Variants in SLC30A10 observed in about 807,000 individuals in gnomAD.
The protein encoded by SLC30A10 is solute carrier family 30 member 10.
A neutral mutation model predicts 21.7 loss-of-function variants in SLC30A10; 8 were observed. That is an observed-to-expected ratio of 0.37 (90% CI 0.22 to 0.67). SLC30A10 has a LOEUF of 0.67. SLC30A10 is among the 30% of genes least tolerant of loss of function. The pLI, the probability that SLC30A10 is intolerant of heterozygous loss-of-function variation, is 0.58. For synonymous variants in SLC30A10, 272 were observed against 279.4 expected (o/e 0.97, Z 0.26); for missense variants, 521 against 642.5 (o/e 0.81, Z 2.04).
chr1:219,943,031 C>G (rs990139402), intron 1 of SLC30A10, among the ~76,000 whole-genome samples: 4 of 151,968 alleles, frequency 2.6e-5, no homozygotes, highest in African/African-American at 9.7e-5. Context: ...AGTGACAGAG[C>G]AAGACTCTGT....
intron 2 of SLC30A10, among the ~76,000 whole-genome samples, chr1:219,922,158 T>TTGTGTATGTG (rs1553313111): frequency 1.4e-4 from 6 of 42,838 alleles, no homozygotes; most frequent in African/African-American, 5.6e-4. Context: ...ACCTTCTTGT[T>TTGTGTATGTG]TGTGTGTGTG....
At chr1:219,922,988 T>A (rs190850920) in intron 2 of SLC30A10, among the ~76,000 whole-genome samples, 52 of 152,254 alleles carry the variant, frequency 3.4e-4, no homozygotes, top group Admixed American at 1.6e-3. Context: ...TCACTACAGA[T>A]GTACATTAAA....
At chr1:219,935,156 G>A (rs186083581) in intron 1 of SLC30A10, among the ~76,000 whole-genome samples, 113 of 152,242 alleles carry the variant, frequency 7.4e-4, no homozygotes, top group African/African-American at 2.1e-3. Flanking sequence ...AGAACTACAA[G>A]TTGCAAGAAA....
At chr1:219,926,982 G>A (rs907907841) in intron 2 of SLC30A10, 46 bp downstream of exon 2, 6 of 1,427,502 alleles carry the variant, frequency 4.2e-6, no homozygotes, top group Non-Finnish European at 4.9e-6. Context: ...CACAGTCCAT[G>A]TGTGTCATAG....
At position 219,910,652 on chromosome 1, in the gene SLC30A10, A is replaced by G. The variant is rs572978483; in HGVS notation, c.*4797T>C. ...CAGGAGGAGAATTTTAAGCAACAAAACTCCACAATACTGTAACATAACCTC... is the reference window on the plus strand; with the variant it reads ...CAGGAGGAGAATTTTAAGCAACAAAGCTCCACAATACTGTAACATAACCTC... On this transcript the variant is annotated 3_prime_UTR_variant, in exon 4 of 4. Coordinates refer to ENST00000366926, the MANE Select transcript of SLC30A10 (RefSeq NM_018713.3). Among the ~76,000 whole-genome samples, 27 of 152,098 alleles carry G rather than the reference A, an allele frequency of 1.8e-4. No individual in the cohort carries two copies. The highest frequency in any genetic ancestry group is 5.8e-4 in the African/African-American group (24 of 41,476).
At chr1:219,949,307 C>T (rs1256127269) in intron 1 of SLC30A10, among the ~76,000 whole-genome samples, 8 of 151,946 alleles carry the variant, frequency 5.3e-5, no homozygotes, top group South Asian at 2.1e-4. Flanking sequence ...CACATGCACA[C>T]GTATGTTTAT....
intron 1 of SLC30A10, among the ~76,000 whole-genome samples, chr1:219,944,906 T>C (rs1159167759): frequency 6.6e-6 from 1 of 152,176 alleles, no homozygotes; most frequent in Non-Finnish European, 1.5e-5. Context: ...GTAAATTGTC[T>C]AAACACACCA....
intron 1 of SLC30A10, among the ~76,000 whole-genome samples, chr1:219,927,562 G>C (rs1659858800): frequency 7.4e-6 from 1 of 135,416 alleles, no homozygotes; most frequent in Non-Finnish European, 1.5e-5. Context: ...GGATCCAGGA[G>C]AAAAAAGAAG....
chr1:219,912,248 C>T lies in SLC30A10; in HGVS notation c.*3201G>A, dbSNP rs1480891182. The stretch of plus-strand genomic sequence containing the variant: ...TTCTTCCTCAAATAATGTCTCCCTA[C>T]TTTATTGACATTTTATCAAGAAGAG... On this transcript the variant is annotated 3_prime_UTR_variant, in exon 4 of 4. Coordinates refer to ENST00000366926, the MANE Select transcript of SLC30A10 (RefSeq NM_018713.3). Among the ~76,000 whole-genome samples the T allele has an allele frequency of 1.4e-5, 2 of 146,276 alleles. No individual in the cohort carries two copies. Among genetic ancestry groups the T allele is most frequent in the Non-Finnish European group, 1.5e-5 (1 of 66,694 alleles).
At chr1:219,932,063 CTTT>C (rs1271562244), upstream of SLC30A10, among the ~76,000 whole-genome samples, 2 of 138,628 alleles carry the variant, frequency 1.4e-5, no homozygotes, top group African/African-American at 2.7e-5. Flanking sequence ...ACTCAATCAT[CTTT>C]TTTTTTTTTT....
intron 1 of SLC30A10, among the ~76,000 whole-genome samples, chr1:219,946,554 A>C (rs1660188504): frequency 6.6e-6 from 1 of 152,108 alleles, no homozygotes; most frequent in Admixed American, 6.5e-5. Flanking sequence ...TTCCCTCCCC[A>C]GTCCCCATGT....
chr1:219,956,155 A>C (rs1660346310), intron 1 of SLC30A10, among the ~76,000 whole-genome samples: 1 of 152,062 alleles, frequency 6.6e-6, no homozygotes, highest in Non-Finnish European at 1.5e-5. Flanking sequence ...TAAACACTAA[A>C]ATTTCTTTTC....
At chr1:219,945,909 C>T (rs1342385173) in intron 1 of SLC30A10, among the ~76,000 whole-genome samples, 1 of 152,094 alleles carries the variant, frequency 6.6e-6, no homozygotes, top group Non-Finnish European at 1.5e-5. Context: ...GAAAACAATC[C>T]AGACTGAAAC....
rs892809444 is a variant in SLC30A10, at chr1:219,949,821, G to T, written n.80+8747C>A. On this transcript the variant is annotated intron_variant and non_coding_transcript_variant, in intron 1 of 8. Transcript: ENST00000484239. ...ATTGGTGTATTTCATAATCATCAGA[G>T]ACAGTTGTACACAATGTTTTCAAAA... Among the ~76,000 whole-genome samples the T allele has an allele frequency of 4.0e-5, 6 of 151,890 alleles. No homozygotes were observed. In the East Asian group the frequency reaches 7.7e-4, roughly 20 times the overall value.
intron 1 of SLC30A10, among the ~76,000 whole-genome samples, chr1:219,953,334 T>C (rs529724685): frequency 7.1e-4 from 108 of 152,194 alleles, no homozygotes; most frequent in Middle Eastern, 3.4e-3. Flanking sequence ...CGGTGGCTCA[T>C]GCCTGTAATC....
chr1:219,948,905 C>T (rs1293761875), intron 1 of SLC30A10, among the ~76,000 whole-genome samples: 1 of 152,180 alleles, frequency 6.6e-6, no homozygotes, highest in Admixed American at 6.5e-5. Flanking sequence ...AAAACTCTAA[C>T]AAATTTACAA....
intron 1 of SLC30A10, among the ~76,000 whole-genome samples, chr1:219,935,734 A>G (rs1005538736): frequency 2.6e-5 from 4 of 152,232 alleles, no homozygotes; most frequent in African/African-American, 4.8e-5. Flanking sequence ...TGTCATACCC[A>G]AAACTATTGT....
chr1:219,919,724 C>T (rs768428469), intron 2 of SLC30A10, among the ~76,000 whole-genome samples: 34 of 149,486 alleles, frequency 2.3e-4, no homozygotes, highest in Admixed American at 6.1e-4. Flanking sequence ...TGCAGTGAGC[C>T]GAGATAGTGC....
chr1:219,948,343 A>G (rs1660218319), intron 1 of SLC30A10, among the ~76,000 whole-genome samples: 1 of 151,876 alleles, frequency 6.6e-6, no homozygotes, highest in Non-Finnish European at 1.5e-5. Flanking sequence ...GAGGCATCAC[A>G]TTACCTGACT....
Sources: gnomAD v4.1 joint callset for allele counts (sites outside exome capture counted in the v4.1 genomes callset) on GRCh38, gnomAD v4.1.1 for gene constraint, MANE v1.5 for transcripts, NCBI Gene and HGNC (gene_info 2026-07-23, HGNC 2026-07-21) for gene names.